Variants in CLEC3A observed in about 807,000 individuals in gnomAD.
CLEC3A encodes C-type (calcium dependent, carbohydrate-recognition domain) lectin, superfamily member 1 (cartilage-derived).
CLEC3A carries 28 observed loss-of-function variants against 20.4 expected under a neutral mutation model. The observed-to-expected ratio is 1.37, with a 90% CI of 1.02 to 1.88. CLEC3A has a LOEUF of 1.88. Among genes scored for constraint, CLEC3A ranks in the 40% most tolerant of loss-of-function variants. The probability of loss-of-function intolerance (pLI) is 0.00; values close to 1 mark genes in which losing one functional copy is unlikely to be tolerated. For synonymous variants in CLEC3A, 110 were observed against 88.1 expected (o/e 1.25, Z -1.39); for missense variants, 357 against 240.4 (o/e 1.48, Z -3.21).
At chr16:78,023,264 A>G (rs1218620519) in intron 1 of CLEC3A, among the ~76,000 whole-genome samples, 1 of 152,228 alleles carries the variant, frequency 6.6e-6, no homozygotes, top group Non-Finnish European at 1.5e-5. Flanking sequence ...CCTTGGCAGC[A>G]TAAGGACAAC....
chr16:78,025,929 A>G (rs912054707), intron 1 of CLEC3A, among the ~76,000 whole-genome samples: 2 of 152,182 alleles, frequency 1.3e-5, no homozygotes, highest in African/African-American at 4.8e-5. Flanking sequence ...GAGGCCACTT[A>G]TTTAAGGAGA....
In CLEC3A at chr16:78,031,037, A is replaced by T. The variant is rs1266626564; in HGVS notation, c.*196A>T. The T allele has an allele frequency of 4.5e-5, 26 of 571,524 alleles. No individual in the cohort carries two copies. In the East Asian group the frequency reaches 7.2e-4, roughly 16 times the overall value. The allele number at this position is 571,524 out of a possible 1,614,324, so 35.4% of individuals were successfully genotyped here. ...TTTTGCCCTTCCTGGGGTATAGGGGATCAGAAATATTGATCCATGTGCACG... is the reference window on the plus strand; with the variant it reads ...TTTTGCCCTTCCTGGGGTATAGGGGTTCAGAAATATTGATCCATGTGCACG... On this transcript the variant is annotated 3_prime_UTR_variant, in exon 3 of 3. Coordinates refer to ENST00000299642, the MANE Select transcript of CLEC3A (RefSeq NM_005752.6).
chr16:78,030,372 C>G (rs1409913855), intron 2 of CLEC3A, 75 bp from the exon 3 acceptor site: 1 of 1,293,794 alleles, frequency 7.7e-7, no homozygotes, highest in African/African-American at 1.5e-5. Flanking sequence ...ATACTTATTG[C>G]TATTTGCCAG....
rs906758597 is a variant in CLEC3A, at chr16:78,028,118, G to C, written c.127G>C (p.Asp43His). The C allele has an allele frequency of 1.2e-6, 2 of 1,609,462 alleles. No individual in the cohort carries two copies. The highest frequency in any genetic ancestry group is 1.1e-5 in the South Asian group (1 of 89,998). ...SKRRVRDKDG[D>H]LKTQIEKLWT... ...AAAATTTTCCCCAGACAAGGATGGA[G>C]ATCTGAAGACTCAAATTGAAAAGCT... The change falls in exon 2 of 3, where the codon GAT (aspartate) becomes CAT (histidine). Residue 43 changes from aspartate to histidine, a missense_variant. Asp to His is a moderately conservative substitution (Grantham distance 81). Transcript: ENST00000299642.
chr16:78,024,874 TG>T (rs1351224238), intron 1 of CLEC3A, among the ~76,000 whole-genome samples: 2 of 152,220 alleles, frequency 1.3e-5, no homozygotes, highest in African/African-American at 4.8e-5. Flanking sequence ...CCACCCAGGC[TG>T]GAGTGCAGTG....
At chr16:78,026,737 C>T (rs1360406824) in intron 1 of CLEC3A, among the ~76,000 whole-genome samples, 1 of 152,324 alleles carries the variant, frequency 6.6e-6, no homozygotes, top group African/African-American at 2.4e-5. Context: ...ATCCTTATTA[C>T]ACCTGAAATT....
intron 1 of CLEC3A, among the ~76,000 whole-genome samples, chr16:78,025,618 C>T (rs1449797875): frequency 6.6e-6 from 1 of 152,140 alleles, no homozygotes; most frequent in African/African-American, 2.4e-5. Flanking sequence ...TGAAAGGGAG[C>T]CTTCTGGGGG....
At chr16:78,022,797 C>G in intron 1 of CLEC3A, 56 bp downstream of exon 1, 1 of 1,582,388 alleles carries the variant, frequency 6.3e-7, no homozygotes, top group Non-Finnish European at 8.6e-7. Flanking sequence ...TGGGGAGGTG[C>G]TGGACAATGT....
intron 1 of CLEC3A, 127 bp downstream of exon 1, chr16:78,022,868 A>G (rs2018767748): frequency 3.3e-6 from 3 of 901,650 alleles, no homozygotes; most frequent in Non-Finnish European, 4.9e-6. Context: ...TCATCCCTAT[A>G]TGGCATTTCA....
intron 2 of CLEC3A, among the ~76,000 whole-genome samples, chr16:78,030,140 G>A (rs11648132): frequency 0.2 from 23,832 of 119,364 alleles, 2,520 homozygotes; most frequent in Middle Eastern, 0.3. Context: ...GCGACAGAGC[G>A]AGACTCCAAC....
In CLEC3A at chr16:78,032,027, T is replaced by A. The variant is rs190477337; in HGVS notation, c.*1186T>A. 101 of 152,772 alleles carry A rather than the reference T, an allele frequency of 6.6e-4. No individual in the cohort carries two copies. Among genetic ancestry groups the A allele is most frequent in the African/African-American group, 2.3e-3 (97 of 41,588 alleles). The allele number at this position is 152,772 out of a possible 1,614,324, so 9.5% of individuals were successfully genotyped here. ...GTGAACAATATCCCACTTTGCAAAC[T>A]TTAACTACACATGCTTGGAATTAAG... On this transcript the variant is annotated 3_prime_UTR_variant, in exon 3 of 3. Transcript: ENST00000299642.
chr16:78,026,519 A>C (rs1000784392), intron 1 of CLEC3A, among the ~76,000 whole-genome samples: 16 of 152,198 alleles, frequency 1.1e-4, no homozygotes, highest in African/African-American at 3.9e-4. Context: ...CCAATTCTTC[A>C]CTTTACTAGC....
chr16:78,026,330 T>C (rs2056846), intron 1 of CLEC3A, among the ~76,000 whole-genome samples: 50,470 of 152,022 alleles, frequency 0.33, 9,139 homozygotes, highest in South Asian at 0.49. Flanking sequence ...GTACAGAACA[T>C]AGACTTCCTC....
chr16:78,024,321 A>C (rs2018785523), intron 1 of CLEC3A, among the ~76,000 whole-genome samples: 1 of 152,040 alleles, frequency 6.6e-6, no homozygotes, highest in Non-Finnish European at 1.5e-5. Flanking sequence ...CTGAGTGTGC[A>C]TGTGGGTGCT....
rs761179747 is a variant in CLEC3A at position 78,030,797 on chromosome 16, C to T, written c.550C>T (p.Arg184Cys). 2.3e-5 allele frequency: 37 copies of T among 1,613,858 alleles called. No individual in the cohort carries two copies. The highest frequency in any genetic ancestry group is 3.0e-5 in the Non-Finnish European group (35 of 1,179,992). The change falls in exon 3 of 3, where the codon CGC (arginine) becomes TGC (cysteine). Residue 184 changes from arginine (R) to cysteine (C), a missense_variant. Transcript: ENST00000299642. ...AQGKWSDEAC[R>C]SSKRYICEFT... ...GGGCAAGTGGAGTGATGAGGCCTGTCGCAGCAGCAAGAGATACATATGCGA... is the reference window on the plus strand; with the variant it reads ...GGGCAAGTGGAGTGATGAGGCCTGTTGCAGCAGCAAGAGATACATATGCGA...
In CLEC3A at chr16:78,028,141, G is replaced by C; in HGVS notation, c.150G>C (p.Lys50Asn). 6.2e-7 allele frequency: 1 copy of C among 1,611,886 alleles called. No homozygotes were observed. Among genetic ancestry groups the C allele is most frequent in the Non-Finnish European group, 8.5e-7 (1 of 1,179,538 alleles). ...GAGATCTGAAGACTCAAATTGAAAA[G>C]CTCTGGACAGAAGTCAATGCCTTGA... Reference protein sequence around the residue: ...KDGDLKTQIEKLWTEVNALKE... With the variant: ...KDGDLKTQIENLWTEVNALKE... The change falls in exon 2 of 3, where the codon AAG becomes AAC. Residue 50 changes from lysine to asparagine, a missense_variant. Physicochemically the swap from Lys to Asn is moderately conservative, Grantham distance 94 (BLOSUM62 0). Coordinates refer to ENST00000299642, the MANE Select transcript of CLEC3A (RefSeq NM_005752.6).
rs140580323 is a variant in CLEC3A at position 78,027,186 on chromosome 16, G to C, written c.116-921G>C. Among the ~76,000 whole-genome samples, 410 of 151,732 alleles carry C rather than the reference G, an allele frequency of 2.7e-3. 3 individuals carry two copies. The highest frequency in any genetic ancestry group is 9.6e-3 in the African/African-American group (396 of 41,364). On this transcript the variant is annotated intron_variant, in intron 1 of 2. Coordinates refer to ENST00000299642, the MANE Select transcript of CLEC3A (RefSeq NM_005752.6). ...CCAAGTATCATGTTAAGCATCAGAA[G>C]AACCAAGAATAATAAGACAGATGAA...
At chr16:78,025,186 G>C (rs140517233) in intron 1 of CLEC3A, among the ~76,000 whole-genome samples, 11 of 152,266 alleles carry the variant, frequency 7.2e-5, no homozygotes, top group Admixed American at 2.0e-4. Flanking sequence ...AGAATGTTTG[G>C]CTAGGCAAAT....
At chr16:78,030,152 C>CAA (rs56784347) in intron 2 of CLEC3A, among the ~76,000 whole-genome samples, 28,300 of 99,944 alleles carry the variant, frequency 0.28, 4,967 homozygotes, top group East Asian at 0.35. Flanking sequence ...GACTCCAACT[C>CAA]AAAAAAAAAA....
Sources: gnomAD v4.1 joint callset for allele counts (sites outside exome capture counted in the v4.1 genomes callset) on GRCh38, gnomAD v4.1.1 for gene constraint, MANE v1.5 for transcripts, NCBI Gene and HGNC (gene_info 2026-07-23, HGNC 2026-07-21) for gene names.